FER: variants seen among roughly 807,000 people sequenced by gnomAD.
FER encodes the protein tyrosine-protein kinase Fer.
A neutral mutation model predicts 111.0 loss-of-function variants in FER; 63 were observed. The ratio of observed to expected loss-of-function variants is 0.57; its 90% confidence interval spans 0.46 to 0.70. The LOEUF is 0.70. Among genes scored for constraint, FER ranks in the 30% least tolerant of loss-of-function variants. FER has a pLI of 0.00. For missense variants in FER, 914 were observed against 954.0 expected (o/e 0.96, Z 0.55); for synonymous variants, 327 against 313.9 (o/e 1.04, Z -0.44).
At chr5:109,067,285 T>C (rs1775222122) in intron 16 of FER, among the ~76,000 whole-genome samples, 1 of 150,534 alleles carries the variant, frequency 6.6e-6, no homozygotes, top group South Asian at 2.1e-4. Flanking sequence ...GCTGCTGCTG[T>C]TTTTAATTTT....
At chr5:109,003,167 C>T (rs866462503) in intron 13 of FER, among the ~76,000 whole-genome samples, 5 of 152,130 alleles carry the variant, frequency 3.3e-5, no homozygotes, top group South Asian at 2.1e-4. Context: ...CACATGCACA[C>T]GTATGTTTAT....
chr5:108,979,857 A>G (rs935595439), intron 13 of FER, among the ~76,000 whole-genome samples: 8 of 152,122 alleles, frequency 5.3e-5, no homozygotes, highest in Non-Finnish European at 1.2e-4. Flanking sequence ...AGTAGTGTTC[A>G]GTGTTTAGAT....
At chr5:108,957,575 A>G (rs193140172) in intron 12 of FER, among the ~76,000 whole-genome samples, 21 of 151,810 alleles carry the variant, frequency 1.4e-4, no homozygotes, top group Admixed American at 1.1e-3. Context: ...TAGAACTGCC[A>G]TATGATCTAG....
intron 5 of FER, 103 bp downstream of exon 5, chr5:108,835,910 C>T: frequency 1.6e-6 from 1 of 607,264 alleles, no homozygotes; most frequent in Non-Finnish European, 2.7e-6. Flanking sequence ...GAGCATTTCA[C>T]ATATAAAAAA....
intron 17 of FER, among the ~76,000 whole-genome samples, chr5:109,154,542 A>G (rs1744981896): frequency 6.6e-6 from 1 of 151,920 alleles, no homozygotes; most frequent in Non-Finnish European, 1.5e-5. Context: ...ACAGGAAGAA[A>G]AAACTCACAT....
Position 109,107,471 on chromosome 5 carries a change from T to TCTCC in FER, c.2048+6961_2048+6964dup, listed in dbSNP as rs578173099. On this transcript the variant is annotated intron_variant, in intron 17 of 19. Coordinates refer to ENST00000281092, the MANE Select transcript of FER (RefSeq NM_005246.4). ...ACCCAGTAGTTTCTTTTTCTGCTCCTCTCCCTCCCTCCACCCTCTACCCTC... is the reference window on the plus strand; with the variant it reads ...ACCCAGTAGTTTCTTTTTCTGCTCCTCTCCCTCCCTCCCTCCACCCTCTACCCTC... 1.9e-3 allele frequency among the ~76,000 whole-genome samples: 286 copies of TCTCC among 152,172 alleles called. 1 individual carries two copies. Among genetic ancestry groups the TCTCC allele is most frequent in the African/African-American group, 6.5e-3 (269 of 41,508 alleles).
At position 108,834,455 on chromosome 5, in the gene FER, T is replaced by G. The variant is rs564004459; in HGVS notation, c.382-1253T>G. 2.0e-5 allele frequency among the ~76,000 whole-genome samples: 3 copies of G among 152,276 alleles called. No individual in the cohort carries two copies. In the South Asian group the frequency reaches 6.2e-4, roughly 32 times the overall value. On this transcript the variant is annotated intron_variant, in intron 4 of 19. Transcript: ENST00000281092. ...GCTCATGCCTGTAATCCCAGCACTTTGGGAGGCCAAGATGGGCAGATCGCC... is the reference window on the plus strand; with the variant it reads ...GCTCATGCCTGTAATCCCAGCACTTGGGGAGGCCAAGATGGGCAGATCGCC...
intron 10 of FER, among the ~76,000 whole-genome samples, chr5:108,909,450 G>A (rs1026292816): frequency 1.3e-5 from 2 of 152,104 alleles, no homozygotes; most frequent in Admixed American, 6.5e-5. Context: ...GAGAGTAGAG[G>A]CTAAGTTTTC....
chr5:108,756,803 G>A (rs1032276346), intron 1 of FER, among the ~76,000 whole-genome samples: 2 of 151,956 alleles, frequency 1.3e-5, no homozygotes, highest in African/African-American at 4.8e-5. Context: ...TTTTGTTTTT[G>A]TATAGTTCTT....
At chr5:108,987,583 A>G (rs1402116969) in intron 13 of FER, among the ~76,000 whole-genome samples, 1 of 152,050 alleles carries the variant, frequency 6.6e-6, no homozygotes, top group Non-Finnish European at 1.5e-5. Flanking sequence ...TCTTAATTTG[A>G]TTCTCAGCTT....
At chr5:108,800,893 A>T (rs1756569261) in intron 3 of FER, among the ~76,000 whole-genome samples, 1 of 151,808 alleles carries the variant, frequency 6.6e-6, no homozygotes, top group Non-Finnish European at 1.5e-5. Flanking sequence ...AAAAATACAA[A>T]AAAATTAGCC....
At chr5:108,856,245 A>T (rs1211050505) in intron 5 of FER, among the ~76,000 whole-genome samples, 1 of 152,192 alleles carries the variant, frequency 6.6e-6, no homozygotes, top group African/African-American at 2.4e-5. Context: ...ATTTTTAAAA[A>T]TGGGGTTCAC....
chr5:108,961,964 A>G (rs1243092536), intron 13 of FER, among the ~76,000 whole-genome samples: 2 of 152,098 alleles, frequency 1.3e-5, no homozygotes, highest in Non-Finnish European at 2.9e-5. Flanking sequence ...ACTTTAGTTC[A>G]TTGTAATTTC....
chr5:108,782,424 C>T (rs149513409), intron 2 of FER, among the ~76,000 whole-genome samples: 3 of 152,130 alleles, frequency 2.0e-5, no homozygotes, highest in Admixed American at 2.0e-4. Context: ...CCAGAAGTTG[C>T]AACTTGTTTT....
intron 8 of FER, among the ~76,000 whole-genome samples, chr5:108,874,570 G>GT (rs1414540615): frequency 6.6e-6 from 1 of 150,692 alleles, no homozygotes; most frequent in African/African-American, 2.4e-5. Flanking sequence ...CATTAAAACT[G>GT]TATGTATTTT....
intron 12 of FER, among the ~76,000 whole-genome samples, chr5:108,956,736 C>T (rs1581387971): frequency 6.6e-6 from 1 of 151,636 alleles, no homozygotes; most frequent in African/African-American, 2.4e-5. Flanking sequence ...TAGTGTTGAG[C>T]TCCTGAAGCA....
At chr5:108,995,536 G>A (rs1763879136) in intron 13 of FER, among the ~76,000 whole-genome samples, 1 of 151,694 alleles carries the variant, frequency 6.6e-6, no homozygotes, top group South Asian at 2.1e-4. Context: ...CTGTTCTTGT[G>A]TTAGTTTGCT....
intron 3 of FER, 94 bp from the exon 4 acceptor site, chr5:108,832,676 A>G (rs1337865990): frequency 1.2e-6 from 1 of 861,788 alleles, no homozygotes; most frequent in Non-Finnish European, 1.6e-6. Flanking sequence ...AATAATTTAC[A>G]TAAAACTAAA....
intron 17 of FER, among the ~76,000 whole-genome samples, chr5:109,116,176 T>G (rs1750208167): frequency 1.3e-5 from 2 of 152,078 alleles, no homozygotes; most frequent in African/African-American, 2.4e-5. Flanking sequence ...ATGGTAGCAG[T>G]GTCCCGAAGA....
Sources: allele counts gnomAD v4.1 joint callset (sites outside exome capture counted in the v4.1 genomes callset), GRCh38; gene constraint gnomAD v4.1.1; transcripts MANE v1.5; gene names NCBI Gene and HGNC (gene_info 2026-07-23, HGNC 2026-07-21).